The following FBLN7 variants were observed in gnomAD, a reference collection of about 807,000 sequenced individuals.
FBLN7 encodes the protein fibulin 7, also known as fibulin-7.
Under a neutral mutation model 44.0 loss-of-function variants are expected in FBLN7, and 31 were observed. That is an observed-to-expected ratio of 0.70 (90% CI 0.53 to 0.95). FBLN7 has a LOEUF of 0.95. Ranked by LOEUF, FBLN7 falls within the 40% of genes least tolerant of loss-of-function variation. The pLI is 0.00. For synonymous variants in FBLN7, 262 were observed against 253.4 expected, an observed-to-expected ratio of 1.03 and a Z score of -0.32; for missense variants, 573 against 618.5, an observed-to-expected ratio of 0.93 and a Z score of 0.78.
intron 4 of FBLN7, 78 bp from the exon 5 acceptor site, chr2:112,181,661 T>G: frequency 7.5e-7 from 1 of 1,336,676 alleles, no homozygotes; most frequent in Non-Finnish European, 9.5e-7. Flanking sequence ...GTCTTGGTTC[T>G]GCTCCCGGCC....
chr2:112,184,082 C>G (rs547077206), intron 6 of FBLN7, among the ~76,000 whole-genome samples: 132 of 152,332 alleles, frequency 8.7e-4, no homozygotes, highest in African/African-American at 3.1e-3. Flanking sequence ...GTGGGATCAT[C>G]CTGACCCTTG....
chr2:112,202,491 A>ACAT, the FBLN7 span, among the ~76,000 whole-genome samples: 1 of 152,012 alleles, frequency 6.6e-6, no homozygotes, highest in Non-Finnish European at 1.5e-5. Flanking sequence ...ATGTCAAACC[A>ACAT]CACTTAAAAG....
intron 3 of FBLN7, among the ~76,000 whole-genome samples, chr2:112,165,676 G>C (rs887910141): frequency 6.6e-6 from 1 of 152,170 alleles, no homozygotes; most frequent in African/African-American, 2.4e-5. Flanking sequence ...TGTCTGTGAG[G>C]CTGCTGGTAA....
chr2:112,142,128 C>T (rs1680678552), intron 1 of FBLN7, among the ~76,000 whole-genome samples: 1 of 152,180 alleles, frequency 6.6e-6, no homozygotes, highest in Non-Finnish European at 1.5e-5. Flanking sequence ...CCACCCTCAA[C>T]CCTGTCCGGG....
chr2:112,242,742 AAG>A, the FBLN7 span, among the ~76,000 whole-genome samples: 87 of 152,346 alleles, frequency 5.7e-4, no homozygotes, highest in African/African-American at 2.1e-3. Context: ...CCCAACTCAC[AAG>A]AGAGTAACAG....
chr2:112,234,252 C>CA, the FBLN7 span: 3 of 1,522,316 alleles, frequency 2.0e-6, no homozygotes, highest in African/African-American at 1.4e-5. Context: ...AAAACAAAAA[C>CA]AAAAAAACTA....
In FBLN7 at chr2:112,168,193, A is replaced by G. The variant is rs760906716; in HGVS notation, c.406+3022A>G. On this transcript the variant is annotated intron_variant, in intron 3 of 7. Coordinates refer to ENST00000331203, the MANE Select transcript of FBLN7 (RefSeq NM_153214.3). Reference sequence around the variant, plus strand: ...CCTTGTGCTCGTCTCTCATCTCCCCATAGCCTCCTGCATAGCCCTTTTTCC... The same window carrying G: ...CCTTGTGCTCGTCTCTCATCTCCCCGTAGCCTCCTGCATAGCCCTTTTTCC... Among the ~76,000 whole-genome samples, 19 of 152,258 alleles carry G rather than the reference A, an allele frequency of 1.2e-4. No individual in the cohort carries two copies. In the South Asian group the frequency reaches 1.5e-3, roughly 12 times the overall value.
chr2:112,181,608 T>C, intron 4 of FBLN7, 131 bp from the exon 5 acceptor site: 2 of 1,143,518 alleles, frequency 1.7e-6, no homozygotes, highest in South Asian at 2.3e-5. Flanking sequence ...GTCTCTCCTT[T>C]CCCTACTCCA....
chr2:112,160,456 CTG>C (rs748267699), intron 2 of FBLN7, among the ~76,000 whole-genome samples: 1 of 152,234 alleles, frequency 6.6e-6, no homozygotes, highest in Non-Finnish European at 1.5e-5. Context: ...ACGGACCAAA[CTG>C]TTGCAAGGCG....
chr2:112,207,528 A>G, the FBLN7 span, among the ~76,000 whole-genome samples: 6 of 152,070 alleles, frequency 3.9e-5, no homozygotes, highest in Non-Finnish European at 7.4e-5. Flanking sequence ...ATAAATTTCA[A>G]TTAGACCAAG....
chr2:112,178,479 G>A (rs1194041002), intron 4 of FBLN7, among the ~76,000 whole-genome samples: 6 of 152,162 alleles, frequency 3.9e-5, no homozygotes, highest in African/African-American at 1.4e-4. Flanking sequence ...TGAGGAGGAT[G>A]GACCTCTCCC....
intron 1 of FBLN7, among the ~76,000 whole-genome samples, chr2:112,153,732 G>A (rs535789168): frequency 2.0e-5 from 3 of 152,294 alleles, no homozygotes; most frequent in East Asian, 1.9e-4. Flanking sequence ...CTGGGGGTAC[G>A]AAATGTCTCT....
At chr2:112,227,735 CAG>C in the FBLN7 span, among the ~76,000 whole-genome samples, 5 of 152,044 alleles carry the variant, frequency 3.3e-5, no homozygotes, top group Non-Finnish European at 7.4e-5. Context: ...TAGCATCAAA[CAG>C]AATATGTACG....
chr2:112,140,807 C>T (rs1354664813), intron 1 of FBLN7, among the ~76,000 whole-genome samples: 1 of 152,160 alleles, frequency 6.6e-6, no homozygotes, highest in Non-Finnish European at 1.5e-5. Flanking sequence ...GTTTCCGAAG[C>T]GGTCCCTTCC....
At chr2:112,242,457 C>G in the FBLN7 span, among the ~76,000 whole-genome samples, 3 of 152,328 alleles carry the variant, frequency 2.0e-5, no homozygotes, top group South Asian at 6.2e-4. Context: ...ATTCTCATCA[C>G]TTCGTAGAGA....
At chr2:112,148,007 A>G (rs1179508056) in intron 1 of FBLN7, among the ~76,000 whole-genome samples, 1 of 152,140 alleles carries the variant, frequency 6.6e-6, no homozygotes, top group Non-Finnish European at 1.5e-5. Flanking sequence ...ACTGCCCGCC[A>G]GCTCTCCTCC....
the FBLN7 span, among the ~76,000 whole-genome samples, chr2:112,209,935 T>C: frequency 6.6e-6 from 1 of 152,042 alleles, no homozygotes; most frequent in Non-Finnish European, 1.5e-5. Context: ...GTGGAATCTA[T>C]ACCAAGTGGA....
intron 2 of FBLN7, among the ~76,000 whole-genome samples, chr2:112,160,089 C>T (rs1681663786): frequency 6.6e-6 from 1 of 152,166 alleles, no homozygotes; most frequent in Non-Finnish European, 1.5e-5. Flanking sequence ...CTCCCGGGTT[C>T]ACGCCATTCT....
At chr2:112,148,087 G>GA (rs113098349) in intron 1 of FBLN7, among the ~76,000 whole-genome samples, 23 of 149,506 alleles carry the variant, frequency 1.5e-4, no homozygotes, top group East Asian at 5.8e-4. Context: ...CTTGGTCTGA[G>GA]AAAAAAAAAA....
Sources: allele counts gnomAD v4.1 joint callset (sites outside exome capture counted in the v4.1 genomes callset), GRCh38; gene constraint gnomAD v4.1.1; transcripts MANE v1.5; gene names NCBI Gene and HGNC (gene_info 2026-07-23, HGNC 2026-07-21).